The following PTH2R variants were observed in gnomAD, a reference collection of about 807,000 sequenced individuals.
The protein encoded by PTH2R is PTH2 receptor.
Under a neutral mutation model 60.3 loss-of-function variants are expected in PTH2R, and 59 were observed. That is an observed-to-expected ratio of 0.98 (90% CI 0.79 to 1.22). PTH2R has a LOEUF of 1.22. PTH2R is among the 50% of genes most tolerant of loss of function. The pLI is 0.00. For missense variants in PTH2R, 749 were observed against 682.6 expected (o/e 1.10, Z -1.08); for synonymous variants, 256 against 243.8 (o/e 1.05, Z -0.47).
At chr2:208,408,740 A>AGAGAGAG (rs1553542827) in intron 1 of PTH2R, among the ~76,000 whole-genome samples, 9 of 123,356 alleles carry the variant, frequency 7.3e-5, no homozygotes, top group African/African-American at 3.1e-4. Flanking sequence ...GAGAGAGAGA[A>AGAGAGAG]AGAGAGAGAG....
intron 12 of PTH2R, among the ~76,000 whole-genome samples, chr2:208,492,195 C>G (rs114600485): frequency 6.6e-6 from 1 of 152,212 alleles, no homozygotes; most frequent in Non-Finnish European, 1.5e-5. Flanking sequence ...TTTCTATCCA[C>G]GAGCCTTCTT....
At chr2:208,389,227 T>TACACACACACACACAC (rs71041306) in intron 1 of PTH2R, among the ~76,000 whole-genome samples, 39 of 142,644 alleles carry the variant, frequency 2.7e-4, no homozygotes, top group African/African-American at 9.8e-4. Context: ...AGGAAATGCA[T>TACACACACACACACAC]ACACACACAC....
chr2:208,479,637 G>A (rs1398221254), intron 9 of PTH2R, among the ~76,000 whole-genome samples: 2 of 152,156 alleles, frequency 1.3e-5, no homozygotes, highest in Admixed American at 1.3e-4. Context: ...AAATCTATCT[G>A]TGAGCTGCGA....
intron 7 of PTH2R, among the ~76,000 whole-genome samples, chr2:208,447,606 A>AAAAT (rs55709644): frequency 0.27 from 38,203 of 139,914 alleles, 5,259 homozygotes; most frequent in African/African-American, 0.33. Context: ...AACAAAAAGA[A>AAAAT]AAATAAATAA....
chr2:208,402,972 C>A (rs1351787483), upstream of PTH2R, among the ~76,000 whole-genome samples: 1 of 152,190 alleles, frequency 6.6e-6, no homozygotes, highest in South Asian at 2.1e-4. Flanking sequence ...TTCTGCACAT[C>A]ATTTAGCTTC....
intron 9 of PTH2R, among the ~76,000 whole-genome samples, chr2:208,468,533 C>A (rs114794201): frequency 1.3e-5 from 2 of 152,184 alleles, no homozygotes; most frequent in East Asian, 3.9e-4. Context: ...ACATGCCACA[C>A]CCTGGCTATG....
chr2:208,486,760 C>T (rs1480825513), intron 10 of PTH2R, among the ~76,000 whole-genome samples: 1 of 152,196 alleles, frequency 6.6e-6, no homozygotes, highest in Admixed American at 6.5e-5. Flanking sequence ...GGAGAACAAG[C>T]ACATCCCAGG....
At chr2:208,398,174 A>G (rs1353434087) in intron 1 of PTH2R, among the ~76,000 whole-genome samples, 5 of 152,226 alleles carry the variant, frequency 3.3e-5, no homozygotes, top group African/African-American at 1.2e-4. Flanking sequence ...ATTTCATTAA[A>G]AAAAGTTAGT....
chr2:208,493,693 C>A lies in PTH2R; in HGVS notation c.*34C>A. 6.6e-7 allele frequency: 1 copy of A among 1,515,284 alleles called. No homozygotes were observed. Among genetic ancestry groups the A allele is most frequent in the South Asian group, 1.3e-5 (1 of 74,804 alleles). The allele number at this position is 1,515,284 out of a possible 1,614,324, so 93.9% of individuals were successfully genotyped here. On this transcript the variant is annotated 3_prime_UTR_variant, in exon 13 of 13. Transcript: ENST00000272847. ...TTGTGGCTGACTTTCATGGGCTGGT[C>A]CAATGGCTGGTTGTGTGAGAGGGCT... is the stretch of plus-strand genomic sequence containing the variant.
chr2:208,493,047 A>G (rs568670422), intron 12 of PTH2R, among the ~76,000 whole-genome samples: 31 of 152,010 alleles, frequency 2.0e-4, no homozygotes, highest in Non-Finnish European at 3.7e-4. Context: ...AAGTCCCTTC[A>G]CCTCTCTCTA....
chr2:208,364,411 G>A (rs1485779618), intron 1 of PTH2R, among the ~76,000 whole-genome samples: 2 of 152,084 alleles, frequency 1.3e-5, no homozygotes, highest in East Asian at 3.9e-4. Flanking sequence ...TGTATGTGGT[G>A]TAAGAAACAG....
chr2:208,395,136 C>G (rs1226159413), intron 1 of PTH2R, among the ~76,000 whole-genome samples: 1 of 152,050 alleles, frequency 6.6e-6, no homozygotes, highest in Non-Finnish European at 1.5e-5. Flanking sequence ...CAAGCTCCAC[C>G]TCCCAGGTTC....
At chr2:208,463,765 C>T (rs1387428891) in intron 9 of PTH2R, among the ~76,000 whole-genome samples, 2 of 152,216 alleles carry the variant, frequency 1.3e-5, no homozygotes, top group African/African-American at 4.8e-5. Flanking sequence ...TTCTGGACAG[C>T]AATAAAGCTA....
chr2:208,479,232 G>A (rs1703090704), intron 9 of PTH2R, among the ~76,000 whole-genome samples: 1 of 152,162 alleles, frequency 6.6e-6, no homozygotes, highest in South Asian at 2.1e-4. Flanking sequence ...TTCTGGGGGT[G>A]GGGGGTGCAG....
chr2:208,373,662 G>A (rs763966892), intron 1 of PTH2R, among the ~76,000 whole-genome samples: 9 of 152,064 alleles, frequency 5.9e-5, no homozygotes, highest in Admixed American at 1.3e-4. Flanking sequence ...GTGAGCAGTG[G>A]CCACTAGAGG....
chr2:208,369,610 G>A (rs550488892), intron 1 of PTH2R, among the ~76,000 whole-genome samples: 1 of 151,960 alleles, frequency 6.6e-6, no homozygotes, highest in South Asian at 2.1e-4. Context: ...CGCCAGCCTC[G>A]GCCTCCCAAA....
At chr2:208,414,951 A>C (rs1414818911) in intron 1 of PTH2R, among the ~76,000 whole-genome samples, 1 of 152,168 alleles carries the variant, frequency 6.6e-6, no homozygotes, top group Non-Finnish European at 1.5e-5. Flanking sequence ...GTGTTTCTCA[A>C]AACTATTAAG....
At chr2:208,465,980 C>G (rs1460285016) in intron 9 of PTH2R, among the ~76,000 whole-genome samples, 1 of 151,978 alleles carries the variant, frequency 6.6e-6, no homozygotes, top group African/African-American at 2.4e-5. Context: ...ACTTGTTCAG[C>G]TGAAACATTT....
At chr2:208,438,580 A>G (rs1304310106) in intron 4 of PTH2R, among the ~76,000 whole-genome samples, 1 of 152,180 alleles carries the variant, frequency 6.6e-6, no homozygotes, top group East Asian at 1.9e-4. Flanking sequence ...CTTTTAAGTT[A>G]TAAAAGTTGG....
Sources: gnomAD v4.1 joint callset for allele counts (sites outside exome capture counted in the v4.1 genomes callset) on GRCh38, gnomAD v4.1.1 for gene constraint, MANE v1.5 for transcripts, NCBI Gene and HGNC (gene_info 2026-07-23, HGNC 2026-07-21) for gene names.